Variants in KIAA0825 observed in about 807,000 individuals in gnomAD.
The protein encoded by KIAA0825 is KIAA0825.
In KIAA0825, 119 loss-of-function variants were observed where a neutral mutation model predicts 147.6. The ratio of observed to expected loss-of-function variants is 0.81; its 90% CI spans 0.69 to 0.94. KIAA0825 has a LOEUF of 0.94. Ranked by LOEUF, KIAA0825 falls within the 40% of genes least tolerant of loss-of-function variation. KIAA0825 has a pLI of 0.00. For missense variants in KIAA0825, 1,381 were observed against 1,472.7 expected, an observed-to-expected ratio of 0.94 and a Z score of 1.02; for synonymous variants, 470 against 518.1, an observed-to-expected ratio of 0.91 and a Z score of 1.26.
intron 20 of KIAA0825, among the ~76,000 whole-genome samples, chr5:94,361,565 A>G (rs1745060445): frequency 1.3e-5 from 2 of 152,236 alleles, no homozygotes; most frequent in East Asian, 3.8e-4. Context: ...TAGCAAAATT[A>G]CGGATGCTTT....
At chr5:94,255,857 G>A (rs1342928783) in intron 20 of KIAA0825, among the ~76,000 whole-genome samples, 3 of 151,376 alleles carry the variant, frequency 2.0e-5, no homozygotes, top group Non-Finnish European at 2.9e-5. Flanking sequence ...AAGAGTACAG[G>A]TGTAAGCGAC....
chr5:94,397,388 T>A (rs1437173975), intron 16 of KIAA0825, among the ~76,000 whole-genome samples: 1 of 152,198 alleles, frequency 6.6e-6, no homozygotes, highest in East Asian at 1.9e-4. Flanking sequence ...TCTTCCTTGT[T>A]TGGTGCTATT....
At chr5:94,295,466 G>A (rs953237951) in intron 20 of KIAA0825, among the ~76,000 whole-genome samples, 2 of 152,000 alleles carry the variant, frequency 1.3e-5, no homozygotes, top group Admixed American at 1.3e-4. Flanking sequence ...TTCCCTTGCT[G>A]GTGAGGACTT....
At chr5:94,391,816 C>G in intron 17 of KIAA0825, 122 bp from the exon 18 acceptor site, 1 of 837,496 alleles carries the variant, frequency 1.2e-6, no homozygotes, top group Non-Finnish European at 1.8e-6. Context: ...ATAAAGACTA[C>G]GCTGAAATAG....
intron 20 of KIAA0825, among the ~76,000 whole-genome samples, chr5:94,172,155 A>T (rs1220555621): frequency 6.6e-6 from 1 of 152,182 alleles, no homozygotes; most frequent in African/African-American, 2.4e-5. Flanking sequence ...AGTATTAGAG[A>T]TCTTCTGTGT....
At chr5:94,510,485 T>C (rs1274335098) in intron 5 of KIAA0825, among the ~76,000 whole-genome samples, 2 of 152,300 alleles carry the variant, frequency 1.3e-5, no homozygotes, top group East Asian at 3.9e-4. Flanking sequence ...AAAGCAAACA[T>C]TGATAGGTTT....
chr5:94,374,604 C>G (rs1747255591), intron 20 of KIAA0825, among the ~76,000 whole-genome samples: 1 of 152,146 alleles, frequency 6.6e-6, no homozygotes, highest in Admixed American at 6.5e-5. Context: ...AGTGTCTGAG[C>G]AAGGTGTAGG....
intron 20 of KIAA0825, among the ~76,000 whole-genome samples, chr5:94,154,795 TATC>T (rs1766882068): frequency 6.6e-6 from 1 of 152,148 alleles, no homozygotes; most frequent in Admixed American, 6.5e-5. Context: ...GCAAAGTAAA[TATC>T]ATCACAATAA....
intron 6 of KIAA0825, among the ~76,000 whole-genome samples, chr5:94,477,823 A>G (rs890548865): frequency 2.0e-5 from 3 of 152,172 alleles, no homozygotes; most frequent in Admixed American, 6.5e-5. Context: ...ACTCTTTTCC[A>G]TGGGAAAAAA....
intron 14 of KIAA0825, among the ~76,000 whole-genome samples, chr5:94,436,742 C>T (rs1756425937): frequency 6.6e-6 from 1 of 152,070 alleles, no homozygotes; most frequent in Non-Finnish European, 1.5e-5. Context: ...ATTGATTCTT[C>T]CTTTCCATGA....
chr5:94,220,852 G>A lies in KIAA0825; in HGVS notation c.3711-66728C>T, dbSNP rs114277753. On this transcript the variant is annotated intron_variant, in intron 20 of 20. Transcript: ENST00000682413. ...TTTAAGAGGATAAAGTGCACTACAGGTCTTAGACCTATTTTATTATGGGAC... is the reference window on the plus strand; with the variant it reads ...TTTAAGAGGATAAAGTGCACTACAGATCTTAGACCTATTTTATTATGGGAC... Among the ~76,000 whole-genome samples the A allele has an allele frequency of 2.4e-3, 369 of 152,210 alleles. 3 individuals are homozygous for A. Among genetic ancestry groups the A allele is most frequent in the African/African-American group, 8.6e-3 (357 of 41,530 alleles).
In KIAA0825 at chr5:94,495,327, T is replaced by TTC. The variant is rs559290236; in HGVS notation, c.971-10398_971-10397insGA. On this transcript the variant is annotated intron_variant, in intron 5 of 20. Transcript: ENST00000682413. ...GCTGCCTTCCTCTCCTAAACAATAG[T>TTC]TATTCAGCCATAAAGGTAAGATCCT... Among the ~76,000 whole-genome samples, 24 of 152,310 alleles carry TTC rather than the reference T, an allele frequency of 1.6e-4. No individual in the cohort carries two copies. The East Asian group carries it at 4.6e-3, about 29-fold the overall frequency.
At chr5:94,556,318 C>T (rs1444677174) in intron 2 of KIAA0825, among the ~76,000 whole-genome samples, 1 of 152,098 alleles carries the variant, frequency 6.6e-6, no homozygotes, top group African/African-American at 2.4e-5. Flanking sequence ...CCGCCTGCCT[C>T]GGCCTCCCAA....
intron 20 of KIAA0825, among the ~76,000 whole-genome samples, chr5:94,362,459 C>T (rs1353013991): frequency 4.6e-5 from 7 of 152,126 alleles, no homozygotes; most frequent in African/African-American, 7.2e-5. Flanking sequence ...CATACTTTAT[C>T]TCATGTGGTG....
rs67704311 is a variant in KIAA0825 at position 94,155,213 on chromosome 5, CTTTTTT to C, written c.3711-1095_3711-1090del. Among the ~76,000 whole-genome samples the C allele has an allele frequency of 2.3e-4, 27 of 119,044 alleles. No individual in the cohort carries two copies. In the South Asian group the frequency reaches 3.0e-3, roughly 13 times the overall value. The allele number at this position is 119,044 out of a possible 152,430, so 78.1% of individuals were successfully genotyped here. A position where few individuals can be genotyped will look rare whatever the true frequency, so the allele number is the denominator to read the frequency against. On this transcript the variant is annotated intron_variant, in intron 20 of 20. Transcript: ENST00000682413. ...AAAAGAAAGCAACTGTATTTTCTTT[CTTTTTT>C]TTTTTTTTTTTTTTTTGAGACAGGG...
chr5:94,538,583 C>T (rs1639776058), intron 2 of KIAA0825, among the ~76,000 whole-genome samples: 1 of 152,192 alleles, frequency 6.6e-6, no homozygotes, highest in Admixed American at 6.5e-5. Flanking sequence ...GCCTTTCTGC[C>T]ACTACCATTC....
At chr5:94,607,083 T>C (rs147157273) in intron 1 of KIAA0825, among the ~76,000 whole-genome samples, 2 of 152,266 alleles carry the variant, frequency 1.3e-5, no homozygotes, top group African/African-American at 4.8e-5. Context: ...CACTAGACTA[T>C]ATAATCTTCT....
At chr5:94,313,980 A>G (rs1779413500) in intron 20 of KIAA0825, among the ~76,000 whole-genome samples, 1 of 151,608 alleles carries the variant, frequency 6.6e-6, no homozygotes, top group Admixed American at 6.6e-5. Context: ...AATGGGCCTT[A>G]AATCAGATCA....
rs200704614 is a variant in KIAA0825, at chr5:94,158,984, A to G, written c.3711-4860T>C. Among the ~76,000 whole-genome samples, 7 of 152,348 alleles carry G rather than the reference A, an allele frequency of 4.6e-5. No individual in the cohort carries two copies. The East Asian group carries it at 1.3e-3, about 29-fold the overall frequency. On this transcript the variant is annotated intron_variant, in intron 20 of 20. Coordinates refer to ENST00000682413, the MANE Select transcript of KIAA0825 (RefSeq NM_001145678.3). ...AGAAGTCCTGGGTGTGGTCAGTTAC[A>G]CAAATAGGGGATAATTGTCCTCATC...
Sources: allele counts gnomAD v4.1 joint callset (sites outside exome capture counted in the v4.1 genomes callset), GRCh38; gene constraint gnomAD v4.1.1; transcripts MANE v1.5; gene names NCBI Gene and HGNC (gene_info 2026-07-23, HGNC 2026-07-21).